The following KCNJ6 variants were observed in gnomAD, a reference collection of about 807,000 sequenced individuals.
The protein encoded by KCNJ6 is G protein-activated inward rectifier potassium channel 2.
Under a neutral mutation model 34.2 loss-of-function variants are expected in KCNJ6, and 9 were observed. The ratio of observed to expected loss-of-function variants is 0.26; its 90% CI spans 0.16 to 0.46. The LOEUF is 0.46. KCNJ6 is among the 20% of genes least tolerant of loss of function. The pLI is 1.00. For synonymous variants in KCNJ6, 196 were observed against 207.1 expected (o/e 0.95, Z 0.46); for missense variants, 236 against 531.3 (o/e 0.44, Z 5.46).
intron 3 of KCNJ6, among the ~76,000 whole-genome samples, chr21:37,713,306 G>T (rs962098156): frequency 6.6e-6 from 1 of 151,628 alleles, no homozygotes; most frequent in Non-Finnish European, 1.5e-5. Context: ...CAGGAAAAAG[G>T]ACCCCAAAGA....
chr21:37,846,108 AT>A (rs2055506001), intron 1 of KCNJ6, among the ~76,000 whole-genome samples: 1 of 152,122 alleles, frequency 6.6e-6, no homozygotes, highest in Admixed American at 6.5e-5. Context: ...TGGGCATTTA[AT>A]TTTCTGTCTG....
At chr21:37,705,745 C>T (rs1190391133) in intron 3 of KCNJ6, among the ~76,000 whole-genome samples, 1 of 152,136 alleles carries the variant, frequency 6.6e-6, no homozygotes, top group Non-Finnish European at 1.5e-5. Context: ...CAGTCTTCAC[C>T]AGTGAAGAAA....
intron 2 of KCNJ6, among the ~76,000 whole-genome samples, chr21:37,820,803 G>A (rs1414474883): frequency 6.6e-6 from 1 of 152,148 alleles, no homozygotes. Context: ...TAAGAACTTA[G>A]GAGATACACT....
At chr21:37,637,029 A>G (rs2123373285) in intron 3 of KCNJ6, among the ~76,000 whole-genome samples, 2 of 152,340 alleles carry the variant, frequency 1.3e-5, no homozygotes, top group East Asian at 1.9e-4. Context: ...ACCAGGCTAC[A>G]TAGATGATGT....
intron 1 of KCNJ6, among the ~76,000 whole-genome samples, chr21:37,881,336 T>C (rs2055706823): frequency 6.6e-6 from 1 of 152,174 alleles, no homozygotes; most frequent in African/African-American, 2.4e-5. Context: ...AGACATTTAT[T>C]TCTCACAGCT....
intron 2 of KCNJ6, among the ~76,000 whole-genome samples, chr21:37,750,751 G>A (rs2054991285): frequency 6.6e-6 from 1 of 152,170 alleles, no homozygotes; most frequent in Non-Finnish European, 1.5e-5. Flanking sequence ...CTAGGGGAGG[G>A]AGAGCATTAG....
chr21:37,827,056 T>A (rs1254045310), intron 2 of KCNJ6, among the ~76,000 whole-genome samples: 3 of 152,096 alleles, frequency 2.0e-5, no homozygotes, highest in Non-Finnish European at 4.4e-5. Flanking sequence ...GGCCTCTGGG[T>A]TTAATTGGAC....
intron 3 of KCNJ6, among the ~76,000 whole-genome samples, chr21:37,687,950 C>T (rs1372350426): frequency 1.3e-5 from 2 of 152,192 alleles, no homozygotes; most frequent in African/African-American, 4.8e-5. Context: ...CTACCAATAG[C>T]ATATTCAATA....
At chr21:37,713,448 C>T (rs945764182) in intron 3 of KCNJ6, among the ~76,000 whole-genome samples, 1 of 152,146 alleles carries the variant, frequency 6.6e-6, no homozygotes, top group Non-Finnish European at 1.5e-5. Context: ...TACATACAAA[C>T]ATGGGCAGAA....
intron 2 of KCNJ6, among the ~76,000 whole-genome samples, chr21:37,794,467 C>G (rs1280311596): frequency 6.6e-6 from 1 of 152,228 alleles, no homozygotes; most frequent in Middle Eastern, 3.4e-3. Flanking sequence ...GTGCTTAAAC[C>G]AAAGACTGGG....
At chr21:37,903,237 G>C (rs557253734) in intron 1 of KCNJ6, among the ~76,000 whole-genome samples, 1 of 152,114 alleles carries the variant, frequency 6.6e-6, no homozygotes, top group East Asian at 1.9e-4. Flanking sequence ...CTGAATCATG[G>C]GGGTAGTTTC....
intron 2 of KCNJ6, among the ~76,000 whole-genome samples, chr21:37,805,447 G>A (rs1601480387): frequency 6.6e-6 from 1 of 151,712 alleles, no homozygotes; most frequent in East Asian, 2.0e-4. Context: ...TCCCCATTTG[G>A]CGTTTGGTGT....
In KCNJ6 at chr21:37,614,766, GTGTC is replaced by G. The variant is rs1274180540; in HGVS notation, c.*10389_*10392del. 2 of 151,334 alleles carry G rather than the reference GTGTC, an allele frequency of 1.3e-5. No individual in the cohort carries two copies. The highest frequency in any genetic ancestry group is 3.4e-3 in the Middle Eastern group (1 of 292). The allele number at this position is 151,334 out of a possible 1,614,324, so 9.4% of individuals were successfully genotyped here. A position where few individuals can be genotyped will look rare whatever the true frequency, so the allele number is the denominator to read the frequency against. On this transcript the variant is annotated 3_prime_UTR_variant, in exon 4 of 4. Coordinates refer to ENST00000609713, the MANE Select transcript of KCNJ6 (RefSeq NM_002240.5). ...TGTCTCTGTATGTGTGTGTATGCATGTGTCTGTGTGTATGTGTGTGTGTATGCAT... is the reference window on the plus strand; with the variant it reads ...TGTCTCTGTATGTGTGTGTATGCATGTGTGTGTATGTGTGTGTGTATGCAT...
chr21:37,762,551 T>A (rs2055070977), intron 2 of KCNJ6, among the ~76,000 whole-genome samples: 1 of 152,194 alleles, frequency 6.6e-6, no homozygotes, highest in Non-Finnish European at 1.5e-5. Context: ...CGTTTCTTTT[T>A]TCGGCAGCCT....
chr21:37,648,215 T>C (rs1227859603), intron 3 of KCNJ6, among the ~76,000 whole-genome samples: 1 of 152,222 alleles, frequency 6.6e-6, no homozygotes, highest in Non-Finnish European at 1.5e-5. Flanking sequence ...GCTGTGCCCC[T>C]GAGGGCATAG....
rs10527592 is a variant in KCNJ6, at chr21:37,630,134, C to CTGTGTGTGTGTGTGTGTGTG, written c.947-4670_947-4651dup. On this transcript the variant is annotated intron_variant, in intron 3 of 3. Transcript: ENST00000609713. ...AGGCAGAACTGCCAAGATGACATCT[C>CTGTGTGTGTGTGTGTGTGTG]TGTGTGTGTGTGTGTGTGTGTGTGG... Among the ~76,000 whole-genome samples, 289 of 144,248 alleles carry CTGTGTGTGTGTGTGTGTGTG rather than the reference C, an allele frequency of 2.0e-3. 1 individual carries two copies. The highest frequency in any genetic ancestry group is 5.4e-3 in the African/African-American group (209 of 38,830). 94.6% of individuals were successfully genotyped at this position (144,248 alleles called of 152,430 possible).
chr21:37,694,983 C>A (rs947828763), intron 3 of KCNJ6, among the ~76,000 whole-genome samples: 4 of 152,220 alleles, frequency 2.6e-5, no homozygotes, highest in African/African-American at 9.6e-5. Flanking sequence ...AGCCTCCAGA[C>A]TGTTAGTAAA....
intron 3 of KCNJ6, among the ~76,000 whole-genome samples, chr21:37,644,989 G>T (rs1171422111): frequency 2.0e-5 from 3 of 149,726 alleles, no homozygotes; most frequent in African/African-American, 7.3e-5. Flanking sequence ...AGAAAGGAGA[G>T]CATCACTGGT....
intron 2 of KCNJ6, among the ~76,000 whole-genome samples, chr21:37,778,802 C>G (rs149228096): frequency 3.2e-4 from 49 of 151,896 alleles, no homozygotes; most frequent in African/African-American, 1.0e-3. Context: ...GTGTACCCCC[C>G]ACTTATTCTT....
Sources: allele counts gnomAD v4.1 joint callset (sites outside exome capture counted in the v4.1 genomes callset), GRCh38; gene constraint gnomAD v4.1.1; transcripts MANE v1.5; gene names NCBI Gene and HGNC (gene_info 2026-07-23, HGNC 2026-07-21).